AIG1: variants seen among roughly 807,000 people sequenced by gnomAD.
The protein encoded by AIG1 is androgen induced 1, also known as androgen-induced gene 1 protein.
A neutral mutation model predicts 31.4 loss-of-function variants in AIG1; 23 were observed. The ratio of observed to expected loss-of-function variants is 0.73; its 90% CI spans 0.53 to 1.04. AIG1 has a LOEUF of 1.04. Among genes scored for constraint, AIG1 ranks in the 50% least tolerant of loss-of-function variants. The pLI is 0.00. For synonymous variants in AIG1, 100 were observed against 110.5 expected, an observed-to-expected ratio of 0.90 and a Z score of 0.60; for missense variants, 274 against 295.0, an observed-to-expected ratio of 0.93 and a Z score of 0.52.
At chr6:143,115,757 G>A (rs968420776) in intron 1 of AIG1, among the ~76,000 whole-genome samples, 1 of 152,212 alleles carries the variant, frequency 6.6e-6, no homozygotes, top group Non-Finnish European at 1.5e-5. Context: ...TATTGACCAT[G>A]AGTATCATTT....
rs1337410914 is a variant in AIG1 at position 143,333,910 on chromosome 6, G to A, written c.679+465G>A. On this transcript the variant is annotated intron_variant, in intron 5 of 5. Transcript: ENST00000357847. This position sits in a 1 kb window ranked among gnomAD's most constrained non-coding sequence, Gnocchi z 4.6. ...GAGGTCTTACTACCATTCTGCTAGA[G>A]CTCTATCTAAGCAGTGTGTGATGCT... 4.6e-5 allele frequency among the ~76,000 whole-genome samples: 7 copies of A among 152,154 alleles called. No individual in the cohort carries two copies. Among genetic ancestry groups the A allele is most frequent in the Admixed American group, 1.3e-4 (2 of 15,270 alleles).
chr6:143,188,273 C>T (rs1340024935), intron 3 of AIG1: 4 of 986,096 alleles, frequency 4.1e-6, no homozygotes, highest in Admixed American at 6.1e-5. Context: ...AAACTGTTGC[C>T]GCTGTTTAAA....
intron 3 of AIG1, among the ~76,000 whole-genome samples, chr6:143,257,744 G>A (rs751259134): frequency 1.3e-5 from 2 of 152,316 alleles, no homozygotes; most frequent in Non-Finnish European, 2.9e-5. Flanking sequence ...TAACCTGTCA[G>A]CGCATCATTG....
At chr6:143,063,244 A>T (rs1776410360) in intron 1 of AIG1, among the ~76,000 whole-genome samples, 1 of 152,230 alleles carries the variant, frequency 6.6e-6, no homozygotes, top group Non-Finnish European at 1.5e-5. Context: ...ACTAATCACC[A>T]TACAGGACTT....
At chr6:143,093,333 C>G (rs954952177) in intron 1 of AIG1, among the ~76,000 whole-genome samples, 1 of 152,158 alleles carries the variant, frequency 6.6e-6, no homozygotes, top group African/African-American at 2.4e-5. Context: ...ATGAATCGAC[C>G]TCTGCTAGCT....
intron 1 of AIG1, among the ~76,000 whole-genome samples, chr6:143,099,907 G>T (rs1156808308): frequency 1.1e-4 from 16 of 152,172 alleles, no homozygotes; most frequent in Non-Finnish European, 2.4e-4. Context: ...CACCTGCTTT[G>T]TTGTTTGGGA....
At chr6:143,265,609 C>G (rs1369131607) in intron 3 of AIG1, among the ~76,000 whole-genome samples, 1 of 152,192 alleles carries the variant, frequency 6.6e-6, no homozygotes, top group African/African-American at 2.4e-5. Flanking sequence ...GTTTCCATTC[C>G]CCAAAGGAAT....
chr6:143,239,087 T>C (rs1281348518), intron 3 of AIG1, among the ~76,000 whole-genome samples: 4 of 152,192 alleles, frequency 2.6e-5, no homozygotes, highest in Non-Finnish European at 2.9e-5. Context: ...AATTTCCAGC[T>C]GTAATTGCAG....
chr6:143,309,641 C>T (rs563349317), intron 4 of AIG1, among the ~76,000 whole-genome samples: 49 of 151,974 alleles, frequency 3.2e-4, no homozygotes, highest in African/African-American at 1.2e-3. Flanking sequence ...GTTATTAATC[C>T]AGCTATATCA....
intron 1 of AIG1, among the ~76,000 whole-genome samples, chr6:143,130,501 G>C (rs1339182760): frequency 6.6e-6 from 1 of 151,620 alleles, no homozygotes; most frequent in Non-Finnish European, 1.5e-5. Flanking sequence ...TAGATCACGA[G>C]GTCAGGAGTT....
rs1776980062 is a variant in AIG1, at chr6:143,330,421, G to T, written c.516-2861G>T. Among the ~76,000 whole-genome samples, 1 of 152,114 alleles carries T rather than the reference G, an allele frequency of 6.6e-6. No individual in the cohort carries two copies. The highest frequency in any genetic ancestry group is 1.5e-5 in the Non-Finnish European group (1 of 68,016). On this transcript the variant is annotated intron_variant, in intron 4 of 5. Transcript: ENST00000357847. The surrounding 1 kb of genome is among the most constrained non-coding windows in gnomAD (Gnocchi z 4.4). ...AAGGGGATGCTGTGGGGGTGGTGAG[G>T]AGTATTGTTCTGGGCAGGGGAATAA...
chr6:143,083,989 C>T (rs751504224), intron 1 of AIG1, among the ~76,000 whole-genome samples: 2 of 152,142 alleles, frequency 1.3e-5, no homozygotes, highest in Non-Finnish European at 2.9e-5. Flanking sequence ...TAAAGTTCCC[C>T]AGTTACAACT....
chr6:143,126,725 A>T (rs1782714674), intron 1 of AIG1, among the ~76,000 whole-genome samples: 1 of 152,214 alleles, frequency 6.6e-6, no homozygotes, highest in Non-Finnish European at 1.5e-5. Context: ...ACCTCATGAT[A>T]TGTGACTGTA....
At chr6:143,233,000 A>G (rs1052961832) in intron 3 of AIG1, among the ~76,000 whole-genome samples, 1 of 152,152 alleles carries the variant, frequency 6.6e-6, no homozygotes, top group Non-Finnish European at 1.5e-5. Context: ...GAGCCAAATA[A>G]TGACAACTGG....
In AIG1 at chr6:143,199,665, C is replaced by T. The variant is rs187039105; in HGVS notation, c.399+34482C>T. On this transcript the variant is annotated intron_variant, in intron 3 of 5. Transcript: ENST00000357847. The stretch of plus-strand genomic sequence containing the variant: ...TATTTTCATCTAAATAATTCATTAA[C>T]AATTTGCTTTTGAGTCAACTAAGCA... 1.3e-4 allele frequency among the ~76,000 whole-genome samples: 20 copies of T among 152,238 alleles called. No individual in the cohort carries two copies. The East Asian group carries it at 3.9e-3, about 29-fold the overall frequency.
chr6:143,319,391 C>G (rs1267513845), intron 4 of AIG1, among the ~76,000 whole-genome samples: 1 of 152,130 alleles, frequency 6.6e-6, no homozygotes, highest in Non-Finnish European at 1.5e-5. Flanking sequence ...AACCAAACAT[C>G]ATATGTTCTC....
chr6:143,093,237 G>C (rs528568074), intron 1 of AIG1, among the ~76,000 whole-genome samples: 5 of 152,256 alleles, frequency 3.3e-5, no homozygotes, highest in African/African-American at 1.2e-4. Context: ...TGGATCTTCT[G>C]TATAACTTGC....
At chr6:143,273,039 G>A (rs1366180554) in intron 3 of AIG1, among the ~76,000 whole-genome samples, 1 of 152,186 alleles carries the variant, frequency 6.6e-6, no homozygotes, top group East Asian at 1.9e-4. Flanking sequence ...TGAGGCAGGA[G>A]AATTGCTTGA....
intron 2 of AIG1, among the ~76,000 whole-genome samples, chr6:143,139,679 T>C (rs868368277): frequency 5.3e-5 from 8 of 152,178 alleles, no homozygotes; most frequent in Non-Finnish European, 7.4e-5. Context: ...TTCTCTCTTT[T>C]CCCCCCTCCT....
Sources: gnomAD v4.1 joint callset for allele counts (sites outside exome capture counted in the v4.1 genomes callset) on GRCh38, gnomAD v4.1.1 for gene constraint, Gnocchi (gnomAD v3.1) non-coding constraint, MANE v1.5 for transcripts, NCBI Gene and HGNC (gene_info 2026-07-23, HGNC 2026-07-21) for gene names.